Variants in PPARGC1A observed in about 807,000 individuals in gnomAD.
The protein encoded by PPARGC1A is peroxisome proliferator-activated receptor gamma coactivator 1-alpha.
A neutral mutation model predicts 88.7 loss-of-function variants in PPARGC1A; 25 were observed. That is an observed-to-expected ratio of 0.28 (90% CI 0.21 to 0.39). The LOEUF is 0.39. Ranked by LOEUF, PPARGC1A falls within the 10% of genes least tolerant of loss-of-function variation. The probability of loss-of-function intolerance (pLI) is 1.00; values close to 1 mark genes in which losing one functional copy is unlikely to be tolerated. For missense variants in PPARGC1A, 880 were observed against 968.7 expected (o/e 0.91, Z 1.22); for synonymous variants, 363 against 355.6 (o/e 1.02, Z -0.24).
At chr4:23,808,400 G>C (rs191479553) in intron 10 of PPARGC1A, among the ~76,000 whole-genome samples, 154 of 152,212 alleles carry the variant, frequency 1.0e-3, no homozygotes, top group Admixed American at 1.9e-3. Flanking sequence ...ATTGCCGCCT[G>C]AGCACATCTA....
At chr4:24,416,952 A>G in the PPARGC1A span, among the ~76,000 whole-genome samples, 1 of 151,652 alleles carries the variant, frequency 6.6e-6, no homozygotes, top group Non-Finnish European at 1.5e-5. Context: ...AATCGCTTAA[A>G]CCAGGAGGCG....
Position 23,814,049 on chromosome 4 carries a change from T to A in PPARGC1A, c.1434A>T (p.Ala478=). The A allele has an allele frequency of 6.2e-7, 1 of 1,614,052 alleles. No homozygotes were observed. The highest frequency in any genetic ancestry group is 8.5e-7 in the Non-Finnish European group (1 of 1,179,954). The stretch of plus-strand genomic sequence containing the variant: ...TGTCCCTCAGTTCACCGGTCTTGTC[T>A]GCTTCGTCGTCAAAAACAGCTTGAC... ...HPSQAVFDDE[A]DKTGELRDSD... is the part of the protein sequence containing the mutation. The change falls in exon 8 of 13, where the codon GCA becomes GCT. Residue 478 remains alanine (A), a synonymous_variant. Coordinates refer to ENST00000264867, the MANE Select transcript of PPARGC1A (RefSeq NM_013261.5).
the PPARGC1A span, among the ~76,000 whole-genome samples, chr4:24,339,216 A>C: frequency 2.4e-5 from 1 of 42,292 alleles, no homozygotes; most frequent in African/African-American, 6.4e-5. Flanking sequence ...GTGTGTGTAT[A>C]TATATATATA....
the PPARGC1A span, among the ~76,000 whole-genome samples, chr4:24,043,997 C>T: frequency 6.6e-6 from 1 of 152,192 alleles, no homozygotes; most frequent in African/African-American, 2.4e-5. Flanking sequence ...CTGAGTATAT[C>T]ATCCATGTAG....
At chr4:24,237,711 A>G in the PPARGC1A span, among the ~76,000 whole-genome samples, 1 of 152,244 alleles carries the variant, frequency 6.6e-6, no homozygotes, top group African/African-American at 2.4e-5. Flanking sequence ...AAAACGTTTC[A>G]GAAATACTGA....
At chr4:23,966,369 G>T in the PPARGC1A span, among the ~76,000 whole-genome samples, 1 of 152,146 alleles carries the variant, frequency 6.6e-6, no homozygotes, top group Non-Finnish European at 1.5e-5. Context: ...TTGGCATGTG[G>T]GTAGTGAGAC....
chr4:23,986,653 T>C, the PPARGC1A span, among the ~76,000 whole-genome samples: 1 of 152,096 alleles, frequency 6.6e-6, no homozygotes, highest in South Asian at 2.1e-4. Context: ...TAGCAGCCTC[T>C]AAATTTTAGT....
At chr4:24,008,975 C>T in the PPARGC1A span, among the ~76,000 whole-genome samples, 3 of 151,892 alleles carry the variant, frequency 2.0e-5, no homozygotes, top group Non-Finnish European at 4.4e-5. Context: ...ATTTTTACAG[C>T]AGCTCTCTCC....
the PPARGC1A span, among the ~76,000 whole-genome samples, chr4:24,138,383 A>T: frequency 6.6e-6 from 1 of 152,212 alleles, no homozygotes; most frequent in African/African-American, 2.4e-5. Context: ...AATTGGACAC[A>T]GTCCAATTGC....
chr4:24,126,182 G>A, the PPARGC1A span, among the ~76,000 whole-genome samples: 2 of 151,792 alleles, frequency 1.3e-5, no homozygotes, highest in African/African-American at 2.4e-5. Flanking sequence ...TGCCAAACGC[G>A]CATTATTTCA....
intron 2 of PPARGC1A, among the ~76,000 whole-genome samples, chr4:23,841,212 T>A (rs1164512469): frequency 6.6e-6 from 1 of 152,104 alleles, no homozygotes; most frequent in African/African-American, 2.4e-5. Flanking sequence ...CAGACAAACC[T>A]ACTCTCTGAC....
chr4:24,044,385 G>A, the PPARGC1A span, among the ~76,000 whole-genome samples: 2 of 152,146 alleles, frequency 1.3e-5, no homozygotes, highest in South Asian at 2.1e-4. Flanking sequence ...CCGTTCTGAT[G>A]CCTGCAAGCA....
chr4:24,369,775 AT>A, the PPARGC1A span, among the ~76,000 whole-genome samples: 1 of 152,190 alleles, frequency 6.6e-6, no homozygotes, highest in African/African-American at 2.4e-5. Context: ...CCATCAACAC[AT>A]TTGACTAAGT....
chr4:24,273,343 G>C, the PPARGC1A span, among the ~76,000 whole-genome samples: 4 of 152,096 alleles, frequency 2.6e-5, no homozygotes, highest in Non-Finnish European at 4.4e-5. Context: ...AATTCCTGTC[G>C]TGTCTTTCTT....
the PPARGC1A span, among the ~76,000 whole-genome samples, chr4:24,020,076 T>G: frequency 2.4e-4 from 36 of 152,280 alleles, no homozygotes; most frequent in Middle Eastern, 3.4e-3. Context: ...ATAAAATCTC[T>G]GCAGGGGAGA....
chr4:24,185,401 A>G, the PPARGC1A span, among the ~76,000 whole-genome samples: 2 of 152,212 alleles, frequency 1.3e-5, no homozygotes, highest in Non-Finnish European at 2.9e-5. Context: ...AATTTTCCTA[A>G]AAGAAAAGAA....
At chr4:24,042,905 T>TTA in the PPARGC1A span, among the ~76,000 whole-genome samples, 20 of 152,198 alleles carry the variant, frequency 1.3e-4, no homozygotes, top group Non-Finnish European at 2.9e-4. Context: ...GCATCTCTCT[T>TTA]TATTATCTGA....
chr4:23,888,249 G>A (rs1484637611), intron 1 of PPARGC1A, among the ~76,000 whole-genome samples: 1 of 152,132 alleles, frequency 6.6e-6, no homozygotes, highest in African/African-American at 2.4e-5. Flanking sequence ...ATCCATGGCT[G>A]GACAAGTAGC....
At chr4:24,279,321 T>G in the PPARGC1A span, among the ~76,000 whole-genome samples, 1 of 152,204 alleles carries the variant, frequency 6.6e-6, no homozygotes. Flanking sequence ...CAAGATTTAG[T>G]GATTTCCCAG....
Sources: gnomAD v4.1 joint callset for allele counts (sites outside exome capture counted in the v4.1 genomes callset) on GRCh38, gnomAD v4.1.1 for gene constraint, MANE v1.5 for transcripts, NCBI Gene and HGNC (gene_info 2026-07-23, HGNC 2026-07-21) for gene names.